The following NUP54 variants were observed in gnomAD, a reference collection of about 807,000 sequenced individuals.
NUP54 encodes nucleoporin p54.
A neutral mutation model predicts 66.4 loss-of-function variants in NUP54; 27 were observed. The observed-to-expected ratio is 0.41, with a 90% CI of 0.30 to 0.56. The LOEUF (loss-of-function observed/expected upper bound fraction) is 0.56, where lower values mean the gene tolerates loss of function less well. Among genes scored for constraint, NUP54 ranks in the 20% least tolerant of loss-of-function variants. NUP54 has a pLI of 0.34. For synonymous variants in NUP54, 206 were observed against 210.7 expected (o/e 0.98, Z 0.19); for missense variants, 486 against 596.3 (o/e 0.82, Z 1.93).
intron 3 of NUP54, among the ~76,000 whole-genome samples, chr4:76,142,683 T>A (rs1470300668): frequency 6.6e-6 from 1 of 152,184 alleles, no homozygotes; most frequent in African/African-American, 2.4e-5. Flanking sequence ...CTAGTAAGGA[T>A]GGTTAGTAAG....
chr4:76,122,270 G>A (rs1730268179), intron 9 of NUP54, among the ~76,000 whole-genome samples: 1 of 151,970 alleles, frequency 6.6e-6, no homozygotes, highest in African/African-American at 2.4e-5. Flanking sequence ...GTGGTTTTTT[G>A]GTCCGATTTG....
intron 3 of NUP54, among the ~76,000 whole-genome samples, chr4:76,143,087 AAG>A (rs1252850938): frequency 2.0e-5 from 3 of 152,184 alleles, no homozygotes; most frequent in African/African-American, 4.8e-5. Context: ...TCAAAAAAAA[AAG>A]ATATTATATG....
intron 3 of NUP54, among the ~76,000 whole-genome samples, chr4:76,141,289 A>T (rs1243129725): frequency 6.6e-6 from 1 of 152,120 alleles, no homozygotes; most frequent in Non-Finnish European, 1.5e-5. Flanking sequence ...TGTTTCTAAG[A>T]GTTTTGTTCT....
At position 76,121,013 on chromosome 4, in the gene NUP54, A is replaced by G. The variant is rs1465544846; in HGVS notation, c.1165-2819T>C. 2.6e-5 allele frequency among the ~76,000 whole-genome samples: 4 copies of G among 152,118 alleles called. No homozygotes were observed. The South Asian group carries it at 8.3e-4, about 32-fold the overall frequency. On this transcript the variant is annotated intron_variant, in intron 9 of 11. Transcript: ENST00000264883. ...GGCTTCTGGTATCTTTTGCTACACA[A>G]TTTTTTATGTGGCCAATGTTGGTTT... is the stretch of plus-strand genomic sequence containing the variant.
rs116771030 is a variant in NUP54 at position 76,145,014 on chromosome 4, C to T, written c.68-541G>A. On this transcript the variant is annotated intron_variant, in intron 1 of 11. Transcript: ENST00000264883. ...AAGAGAAACAGGAAATCTGGATTTT[C>T]TATGTAAAATTTATTGGTTTTTGGC... 2.5e-3 allele frequency among the ~76,000 whole-genome samples: 384 copies of T among 152,212 alleles called. 2 individuals carry two copies. Among genetic ancestry groups the T allele is most frequent in the African/African-American group, 8.9e-3 (371 of 41,522 alleles).
chr4:76,132,023 T>C (rs181876234), intron 6 of NUP54, among the ~76,000 whole-genome samples: 5 of 152,000 alleles, frequency 3.3e-5, no homozygotes, highest in African/African-American at 1.2e-4. Context: ...AATCCTTTTT[T>C]AAAAGATCTA....
At chr4:76,120,583 C>A (rs1287290459) in intron 9 of NUP54, among the ~76,000 whole-genome samples, 1 of 152,096 alleles carries the variant, frequency 6.6e-6, no homozygotes, top group East Asian at 1.9e-4. Context: ...CACCTGCCAC[C>A]ATGCCCAGCT....
At chr4:76,130,134 C>T (rs1303921172) in intron 8 of NUP54, among the ~76,000 whole-genome samples, 2 of 151,392 alleles carry the variant, frequency 1.3e-5, no homozygotes, top group South Asian at 2.1e-4. Context: ...GCGTGCACCA[C>T]GACACCCAGC....
rs367665432 is a variant in NUP54 at position 76,134,198 on chromosome 4, G to A, written c.687C>T (p.Gly229=). 5 of 1,611,754 alleles carry A rather than the reference G, an allele frequency of 3.1e-6. No homozygotes were observed. Among genetic ancestry groups the A allele is most frequent in the Non-Finnish European group, 4.2e-6 (5 of 1,178,266 alleles). Residue 229 remains glycine, a synonymous_variant, in exon 5 of 12, where the codon GGC becomes GGT. Transcript: ENST00000264883. ...ACTGATCATCTGGCAATGTTTTAGT[G>A]CCCTCTACATTTACAGTAAGGGTCT... ...GNQTLTVNVE[G]TKTLPDDQTE...
chr4:76,124,611 G>A (rs780310008), intron 9 of NUP54, 38 bp downstream of exon 9: 3 of 871,444 alleles, frequency 3.4e-6, no homozygotes, highest in Non-Finnish European at 1.9e-6. Flanking sequence ...CACACACATA[G>A]TCTTATAAAC....
At chr4:76,147,964 G>T (rs189363027) in intron 1 of NUP54, 309 of 336,290 alleles carry the variant, frequency 9.2e-4, no homozygotes, top group South Asian at 3.0e-3. Context: ...CATCCAGGAG[G>T]CTGAGGTGCA....
intron 9 of NUP54, among the ~76,000 whole-genome samples, chr4:76,123,364 C>T (rs2109861987): frequency 6.6e-6 from 1 of 152,142 alleles, no homozygotes; most frequent in Middle Eastern, 3.4e-3. Context: ...TTTCATGTTT[C>T]ATCTTTCATT....
Position 76,124,764 on chromosome 4 carries a change from A to G in NUP54, c.1057-8T>C. ...AATATCTTCAGATATGATCTGTTTAAAAAAAAATTGGGGGGGGGAGGGTTA... is the reference window on the plus strand; with the variant it reads ...AATATCTTCAGATATGATCTGTTTAGAAAAAAATTGGGGGGGGGAGGGTTA... On this transcript the variant is annotated splice_polypyrimidine_tract_variant and splice_region_variant and intron_variant, in intron 8 of 11. Coordinates refer to ENST00000264883, the MANE Select transcript of NUP54 (RefSeq NM_017426.4). 1 of 957,618 alleles carries G rather than the reference A, an allele frequency of 1.0e-6. No homozygotes were observed. Among genetic ancestry groups the G allele is most frequent in the Non-Finnish European group, 1.5e-6 (1 of 655,228 alleles). The allele number at this position is 957,618 out of a possible 1,614,324, so 59.3% of individuals were successfully genotyped here. A position where few individuals can be genotyped will look rare whatever the true frequency, so the allele number is the denominator to read the frequency against.
intron 3 of NUP54, among the ~76,000 whole-genome samples, chr4:76,139,857 ACTT>A (rs1354908478): frequency 6.6e-6 from 1 of 152,166 alleles, no homozygotes; most frequent in African/African-American, 2.4e-5. Flanking sequence ...GGTTCACATC[ACTT>A]CTTTTTTTCT....
chr4:76,121,993 A>AAT (rs1348935264), intron 9 of NUP54, among the ~76,000 whole-genome samples: 17 of 152,354 alleles, frequency 1.1e-4, no homozygotes, highest in African/African-American at 3.4e-4. Context: ...GATAGCAACA[A>AAT]ATAATGATGA....
At chr4:76,135,537 C>T (rs112141801) in intron 4 of NUP54, among the ~76,000 whole-genome samples, 2 of 152,294 alleles carry the variant, frequency 1.3e-5, no homozygotes, top group Non-Finnish European at 2.9e-5. Context: ...ATTCAAGGAT[C>T]TGATCCTCAG....
In NUP54 at chr4:76,134,244, T is replaced by G. The variant is rs746382857; in HGVS notation, c.641A>C (p.His214Pro). The part of the protein sequence containing the change: ...SQQQQLVESL[H>P]KVLGGNQTLT... ...GGTCTGGTTTCCTCCCAAAACTTTA[T>G]GCAATGATTCTACCAACTGTTGTTG... The change falls in exon 5 of 12, where the codon CAT becomes CCT. Residue 214 changes from histidine (H) to proline (P), a missense_variant. By Grantham distance (77) the His-to-Pro change is moderately conservative. This residue lies in a region of NUP54 where 217 missense variants were observed against 247.9 expected (regional missense o/e 0.88). Coordinates refer to ENST00000264883, the MANE Select transcript of NUP54 (RefSeq NM_017426.4). 2.5e-6 allele frequency: 4 copies of G among 1,613,854 alleles called. No homozygotes were observed. In the African/African-American group the frequency reaches 5.3e-5, roughly 22 times the overall value.
At chr4:76,132,762 C>T in intron 5 of NUP54, 43 bp from the exon 6 acceptor site, 1 of 1,444,692 alleles carries the variant, frequency 6.9e-7, no homozygotes, top group Non-Finnish European at 9.6e-7. Flanking sequence ...GAGCACAAAA[C>T]TCATAGCGAC....
In NUP54 at chr4:76,136,346, G is replaced by A. The variant is rs749764062; in HGVS notation, c.362C>T (p.Ala121Val). 5.0e-6 allele frequency: 8 copies of A among 1,613,928 alleles called. No individual in the cohort carries two copies. The East Asian group carries it at 6.7e-5, about 13-fold the overall frequency. Reference protein sequence around the residue: ...PTQSNQLINTASALSAPTLLG... With the variant: ...PTQSNQLINTVSALSAPTLLG... ...CAGCGTTGGAGCAGAAAGAGCACTC[G>A]CAGTATTTATCAGCTGGTTGGACTG... Residue 121 changes from alanine to valine, a missense_variant, in exon 4 of 12, where the codon GCG becomes GTG. By Grantham distance (64) the Ala-to-Val change is moderately conservative. Coordinates refer to ENST00000264883, the MANE Select transcript of NUP54 (RefSeq NM_017426.4).
Sources: gnomAD v4.1 joint callset for allele counts (sites outside exome capture counted in the v4.1 genomes callset) on GRCh38, gnomAD v4.1.1 for gene constraint, gnomAD v4.1.1 regional missense constraint, MANE v1.5 for transcripts, NCBI Gene and HGNC (gene_info 2026-07-23, HGNC 2026-07-21) for gene names.